The following TNXB variants were observed in gnomAD, a reference collection of about 807,000 sequenced individuals.
TNXB encodes the protein tenascin-X.
Under a neutral mutation model 340.5 loss-of-function variants are expected in TNXB, and 183 were observed. That is an observed-to-expected ratio of 0.54 (90% confidence interval 0.48 to 0.61). The LOEUF (loss-of-function observed/expected upper bound fraction) is 0.61. Ranked by LOEUF, TNXB falls within the 20% of genes least tolerant of loss-of-function variation. The probability of loss-of-function intolerance (pLI) is 0.00; values close to 1 mark genes in which losing one functional copy is unlikely to be tolerated. For synonymous variants in TNXB, 2,121 were observed against 2,314.5 expected (o/e 0.92, Z 2.40); for missense variants, 4,613 against 5,446.4 (o/e 0.85, Z 4.82).
intron 22 of TNXB, 151 bp downstream of exon 22, chr6:32,057,907 G>A: frequency 9.3e-7 from 1 of 1,070,824 alleles, no homozygotes; most frequent in Non-Finnish European, 1.3e-6. Flanking sequence ...CTGGATTGCA[G>A]CCTGTCTCTC....
Position 32,070,617 on chromosome 6 carries a change from C to G in TNXB, c.4991-203G>C, listed in dbSNP as rs1194522848. ...GTGGGGAGGGTCACCTGTCCTGAGT[C>G]ACCTCCAGGAAAAGAGATTCCCTAG... On this transcript the variant is annotated intron_variant, in intron 13 of 43. Transcript: ENST00000644971. The surrounding 1 kb of genome is among the most constrained non-coding windows in gnomAD (Gnocchi z 6.0). 6.6e-6 allele frequency among the ~76,000 whole-genome samples: 1 copy of G among 152,142 alleles called. No homozygotes were observed. The highest frequency in any genetic ancestry group is 2.4e-5 in the African/African-American group (1 of 41,414).
chr6:32,062,299 C>T lies in TNXB; in HGVS notation c.7026G>A (p.Gly2342=), dbSNP rs761114974. Residue 2342 remains glycine, a synonymous_variant, in exon 20 of 44, where the codon GGG becomes GGA. Coordinates refer to ENST00000644971, the MANE Select transcript of TNXB (RefSeq NM_001365276.2). This position sits in a 1 kb window ranked among gnomAD's most constrained non-coding sequence, Gnocchi z 4.3. ...HFLVQYKNGD[G]QPKATRVPGH... ...CTGGCACCCGTGTTGCCTTGGGCTG[C>T]CCATCCCCATTCTTGTACTGGACCA... 6.2e-7 allele frequency: 1 copy of T among 1,613,460 alleles called. No individual in the cohort carries two copies. The highest frequency in any genetic ancestry group is 8.5e-7 in the Non-Finnish European group (1 of 1,179,844).
At chr6:32,057,536 A>T (rs1283852611) in intron 22 of TNXB, among the ~76,000 whole-genome samples, 1 of 152,178 alleles carries the variant, frequency 6.6e-6, no homozygotes, top group Non-Finnish European at 1.5e-5. Flanking sequence ...TGCTGGGGCC[A>T]TCTCAGCACA....
At position 32,073,455 on chromosome 6, in the gene TNXB, G is replaced by A. The variant is rs1778889724; in HGVS notation, c.4681+192C>T. On this transcript the variant is annotated intron_variant, in intron 12 of 43. Coordinates refer to ENST00000644971, the MANE Select transcript of TNXB (RefSeq NM_001365276.2). This position sits in a 1 kb window ranked among gnomAD's most constrained non-coding sequence, Gnocchi z 4.6. ...GATGGGGAAGGAGCTGGAGGGCTGA[G>A]AAGGCTCTAGCCCTGGGAGGAGTAA... Among the ~76,000 whole-genome samples the A allele has an allele frequency of 6.6e-6, 1 of 152,018 alleles. No individual in the cohort carries two copies. The highest frequency in any genetic ancestry group is 6.5e-5 in the Admixed American group (1 of 15,268).
chr6:32,072,760 G>C lies in TNXB; in HGVS notation c.4682-462C>G, dbSNP rs983902530. On this transcript the variant is annotated intron_variant, in intron 12 of 43. Transcript: ENST00000644971. The surrounding 1 kb of genome is among the most constrained non-coding windows in gnomAD (Gnocchi z 4.4). ...AGGTCAGGAGTTTGAGGCCAGCCTG[G>C]CCAACATGGCGAAACCCTGTTTCTA... Among the ~76,000 whole-genome samples, 1 of 152,242 alleles carries C rather than the reference G, an allele frequency of 6.6e-6. No individual in the cohort carries two copies.
intron 13 of TNXB, among the ~76,000 whole-genome samples, chr6:32,071,566 C>G (rs943403671): frequency 2.0e-5 from 3 of 146,656 alleles, no homozygotes; most frequent in African/African-American, 7.5e-5. Context: ...ATCTGCTTTG[C>G]GGCTTTTCTT....
rs965821537 is a variant in TNXB at position 32,075,899 on chromosome 6, C to T, written c.4376-1947G>A. On this transcript the variant is annotated intron_variant, in intron 11 of 43. Transcript: ENST00000644971. The surrounding 1 kb of genome is among the most constrained non-coding windows in gnomAD (Gnocchi z 4.6). ...AAGAACTTGTTTCTCTGGCTTCCTC[C>T]GGAGGGCAAGACAAGGCTCCAAGCA... 3.3e-5 allele frequency among the ~76,000 whole-genome samples: 5 copies of T among 152,146 alleles called. No homozygotes were observed. The highest frequency in any genetic ancestry group is 7.3e-5 in the Non-Finnish European group (5 of 68,034).
At position 32,072,771 on chromosome 6, in the gene TNXB, G is replaced by A. The variant is rs866601313; in HGVS notation, c.4682-473C>T. Reference sequence around the variant, plus strand: ...TTGAGGCCAGCCTGGCCAACATGGCGAAACCCTGTTTCTACTAAAAATACA... The same window carrying A: ...TTGAGGCCAGCCTGGCCAACATGGCAAAACCCTGTTTCTACTAAAAATACA... On this transcript the variant is annotated intron_variant, in intron 12 of 43. Transcript: ENST00000644971. The surrounding 1 kb of genome is among the most constrained non-coding windows in gnomAD (Gnocchi z 4.4). 2.9e-4 allele frequency among the ~76,000 whole-genome samples: 44 copies of A among 152,310 alleles called. 1 individual carries two copies. The highest frequency in any genetic ancestry group is 6.8e-3 in the Middle Eastern group (2 of 294).
At chr6:32,098,715 G>C (rs1780559589) in intron 1 of TNXB, among the ~76,000 whole-genome samples, 1 of 152,078 alleles carries the variant, frequency 6.6e-6, no homozygotes, top group South Asian at 2.1e-4. Flanking sequence ...CCTAACCTCA[G>C]GTGATCTGCT....
Position 32,061,638 on chromosome 6 carries a change from T to C in TNXB, c.7251A>G (p.Leu2417=), listed in dbSNP as rs204886. The C allele has an allele frequency of 0.55, 885,415 of 1,612,278 alleles. 248,315 individuals are homozygous for C. The highest frequency in any genetic ancestry group is 0.75 in the South Asian group (67,943 of 91,052). ...EPPEEPLLGE[L]TVTGSSPDSL... is the part of the protein sequence containing the mutation. ...AGTCAGGGGAGGATCCTGTCACTGT[T>C]AGCTCCCCCAGGAGCGGCTCCTCAG... Residue 2417 remains leucine (L), a synonymous_variant, in exon 21 of 44, where the codon CTA becomes CTG. Transcript: ENST00000644971. The surrounding 1 kb of genome is among the most constrained non-coding windows in gnomAD (Gnocchi z 4.4).
Position 32,053,652 on chromosome 6 carries a change from TG to T in TNXB, c.8526del (p.Asn2843ThrfsTer8). 1 of 1,613,256 alleles carries T rather than the reference TG, an allele frequency of 6.2e-7. No individual in the cohort carries two copies. Among genetic ancestry groups the T allele is most frequent in the Non-Finnish European group, 8.5e-7 (1 of 1,179,770 alleles). ...GTCAGCTCCCCGAGGCGAGGCTTGT[TG>T]GGGGGCTCAGGGGTTGTGGTGGGCA... ...QAVPTTTPEP[P>X]NKPRLGELTV... is the part of the protein sequence containing the mutation. On this transcript the variant is annotated frameshift_variant, in exon 25 of 44. Transcript: ENST00000644971. LOFTEE classifies it high-confidence loss of function.
rs1204147833 is a variant in TNXB, at chr6:32,096,678, G to A, written c.1175C>T (p.Thr392Met). 4 of 1,553,556 alleles carry A rather than the reference G, an allele frequency of 2.6e-6. No homozygotes were observed. The highest frequency in any genetic ancestry group is 3.5e-6 in the Non-Finnish European group (4 of 1,152,960). The change falls in exon 3 of 44, where the codon ACG becomes ATG. Residue 392 changes from threonine (T) to methionine (M), a missense_variant. By Grantham distance (81) the Thr-to-Met change is moderately conservative. This residue lies in a region of TNXB where 4,327 missense variants were observed against 4,859.4 expected (regional missense o/e 0.89). Transcript: ENST00000644971. The part of the protein sequence containing the change: ...RCEDGECICD[T>M]GYSGDDCGVR... ...GCCGCAGTCGTCCCCGCTGTAGCCC[G>A]TGTCGCAAATGCATTCGCCGTCCTC... is the stretch of plus-strand genomic sequence containing the variant.
Position 32,098,088 on chromosome 6 carries a change from G to T in TNXB, c.111C>A (p.Pro37=), listed in dbSNP as rs192521610. The change falls in exon 2 of 44, where the codon CCC becomes CCA. Residue 37 remains proline, a synonymous_variant. Transcript: ENST00000644971. ...SSRSNVTLPA[P]RPPPQPGGHT... ...GGCCCCCTGGCTGGGGAGGGGGCCG[G>T]GGGGCTGGCAGTGTCACATTGGACC... is the stretch of plus-strand genomic sequence containing the variant. 1 of 1,604,392 alleles carries T rather than the reference G, an allele frequency of 6.2e-7. No individual in the cohort carries two copies. The highest frequency in any genetic ancestry group is 1.7e-5 in the Admixed American group (1 of 59,960).
chr6:32,064,879 G>T lies in TNXB; in HGVS notation c.6783C>A (p.Asn2261Lys). 10 of 1,612,574 alleles carry T rather than the reference G, an allele frequency of 6.2e-6. No individual in the cohort carries two copies. The highest frequency in any genetic ancestry group is 8.5e-6 in the Non-Finnish European group (10 of 1,179,834). The change falls in exon 19 of 44, where the codon AAC (asparagine) becomes AAA (lysine). Residue 2261 changes from asparagine to lysine, a missense_variant. Asn to Lys is a moderately conservative substitution (Grantham distance 94). Coordinates refer to ENST00000644971, the MANE Select transcript of TNXB (RefSeq NM_001365276.2). The surrounding 1 kb of genome is among the most constrained non-coding windows in gnomAD (Gnocchi z 5.3). ...GLEPDHKYKM[N>K]LYGFHGGQRV... The stretch of plus-strand genomic sequence containing the variant: ...GCTGGCCACCGTGGAAGCCGTACAG[G>T]TTCATCTTGTACTTGTGGTCTGGCT...
intron 6 of TNXB, 38 bp from the exon 7 acceptor site, chr6:32,086,156 G>T: frequency 1.4e-6 from 2 of 1,450,634 alleles, no homozygotes; most frequent in Non-Finnish European, 1.8e-6. Flanking sequence ...GGAGAGTCCA[G>T]TATGAGAACT....
intron 11 of TNXB, among the ~76,000 whole-genome samples, chr6:32,077,841 A>T (rs1779164064): frequency 6.6e-6 from 1 of 152,190 alleles, no homozygotes; most frequent in Non-Finnish European, 1.5e-5. Context: ...AGCCTGGCTG[A>T]CATGGTAAAA....
chr6:32,088,754 G>A, intron 6 of TNXB, 31 bp downstream of exon 6: 1 of 1,545,600 alleles, frequency 6.5e-7, no homozygotes, highest in South Asian at 1.2e-5. Flanking sequence ...TGGGAAACCA[G>A]GGCCCTTCCC....
rs1015947770 is a variant in TNXB at position 32,085,634 on chromosome 6, A to T, written c.3148+116T>A. The T allele has an allele frequency of 4.8e-6, 6 of 1,247,182 alleles. No individual in the cohort carries two copies. The East Asian group carries it at 1.6e-4, about 33-fold the overall frequency. The allele number at this position is 1,247,182 out of a possible 1,614,324, so 77.3% of individuals were successfully genotyped here. ...TCCTTTTCTCCTCTATCCAGCCCCA[A>T]ACATCAGCCCTGCCCTTCACTGGCC... is the stretch of plus-strand genomic sequence containing the variant. On this transcript the variant is annotated intron_variant, in intron 7 of 43. Transcript: ENST00000644971. This position sits in a 1 kb window ranked among gnomAD's most constrained non-coding sequence, Gnocchi z 6.4.
chr6:32,045,874 G>A (rs1341852597), intron 31 of TNXB: 12 of 1,171,330 alleles, frequency 1.0e-5, no homozygotes, highest in East Asian at 3.9e-5. Context: ...GCCACCCTTC[G>A]GGGAGGCGAC....
Sources: gnomAD v4.1 joint callset for allele counts (sites outside exome capture counted in the v4.1 genomes callset) on GRCh38, gnomAD v4.1.1 for gene constraint, gnomAD v4.1.1 regional missense constraint, Gnocchi (gnomAD v3.1) non-coding constraint, MANE v1.5 for transcripts, NCBI Gene and HGNC (gene_info 2026-07-23, HGNC 2026-07-21) for gene names.